Variants in LIMCH1 observed in about 807,000 individuals in gnomAD.
The protein encoded by LIMCH1 is LIM and calponin homology domains-containing protein 1.
LIMCH1 carries 113 observed loss-of-function variants against 176.5 expected under a neutral mutation model. The observed-to-expected ratio is 0.64, with a 90% confidence interval of 0.55 to 0.75. The LOEUF is 0.75. Ranked by LOEUF, LIMCH1 falls within the 30% of genes least tolerant of loss-of-function variation. LIMCH1 has a pLI of 0.00. For synonymous variants in LIMCH1, 619 were observed against 645.9 expected, an observed-to-expected ratio of 0.96 and a Z score of 0.63; for missense variants, 1,674 against 1,814.9, an observed-to-expected ratio of 0.92 and a Z score of 1.41.
chr4:41,666,332 A>C (rs777786267), intron 20 of LIMCH1, among the ~76,000 whole-genome samples: 2 of 152,220 alleles, frequency 1.3e-5, no homozygotes, highest in Non-Finnish European at 2.9e-5. Flanking sequence ...AGTGGTCATT[A>C]CGTTTTTACG....
At chr4:41,569,178 G>A (rs913681116) in intron 1 of LIMCH1, among the ~76,000 whole-genome samples, 2 of 152,180 alleles carry the variant, frequency 1.3e-5, no homozygotes, top group Non-Finnish European at 2.9e-5. Context: ...CCACTTGAGA[G>A]ATGCAGGAGT....
intron 6 of LIMCH1, 138 bp downstream of exon 6, chr4:41,619,578 A>G: frequency 8.9e-7 from 1 of 1,124,570 alleles, no homozygotes; most frequent in African/African-American, 1.6e-5. Flanking sequence ...GGTGGGACAG[A>G]TCTTTGGAGA....
At chr4:41,673,553 T>C (rs575290704) in intron 22 of LIMCH1, among the ~76,000 whole-genome samples, 15 of 152,172 alleles carry the variant, frequency 9.9e-5, no homozygotes, top group East Asian at 1.9e-4. Flanking sequence ...CAAGAGGAGA[T>C]AAGCATTAGA....
At chr4:41,677,656 C>T (rs1270683758) in intron 23 of LIMCH1, among the ~76,000 whole-genome samples, 2 of 152,108 alleles carry the variant, frequency 1.3e-5, no homozygotes, top group African/African-American at 4.8e-5. Flanking sequence ...CCTCAAACAG[C>T]ACTTCAGAGT....
intron 2 of LIMCH1, among the ~76,000 whole-genome samples, chr4:41,510,339 A>T (rs2074723686): frequency 6.6e-6 from 1 of 152,244 alleles, no homozygotes; most frequent in East Asian, 1.9e-4. Context: ...AAACTGGCCT[A>T]GCCCATTGCC....
In LIMCH1 at chr4:41,626,836, A is replaced by C. The variant is rs2092987254; in HGVS notation, c.854A>C (p.Asp285Ala). The C allele has an allele frequency of 6.5e-7, 1 of 1,536,208 alleles. No individual in the cohort carries two copies. The highest frequency in any genetic ancestry group is 2.4e-5 in the East Asian group (1 of 40,906). ...GGTGAAGTTGTGTGTCGACTGCCTG[A>C]TCTTGAGAAGGATGACTTTGCTGCA... ...AEGEVVCRLP[D>A]LEKDDFAARR... is the part of the protein sequence containing the mutation. The change falls in exon 8 of 32, where the codon GAT becomes GCT. Residue 285 changes from aspartate to alanine, a missense_variant. Physicochemically the swap from Asp to Ala is moderately radical, Grantham distance 126. This residue lies in a region of LIMCH1 where 655 missense variants were observed against 692.2 expected (regional missense o/e 0.95). Coordinates refer to ENST00000503057, the MANE Select transcript of LIMCH1 (RefSeq NM_001330672.2).
Position 41,620,634 on chromosome 4 carries a change from C to T in LIMCH1, c.669C>T (p.Arg223=). The T allele has an allele frequency of 6.5e-7, 1 of 1,536,156 alleles. No individual in the cohort carries two copies. Among genetic ancestry groups the T allele is most frequent in the East Asian group, 2.4e-5 (1 of 40,918 alleles). Residue 223 remains arginine (R), a synonymous_variant, in exon 7 of 32, where the codon CGC becomes CGT. Coordinates refer to ENST00000503057, the MANE Select transcript of LIMCH1 (RefSeq NM_001330672.2). ...AAGATGCTGCTGAGATCCAAAAGCG[C>T]AAAAGGCTAGAGCAAGCTGGAATCA... The part of the protein sequence containing the change: ...EEKDAAEIQK[R]KRLEQAGIKV...
chr4:41,450,790 C>A (rs2063783004), intron 1 of LIMCH1, among the ~76,000 whole-genome samples: 1 of 118,690 alleles, frequency 8.4e-6, no homozygotes, highest in Non-Finnish European at 1.6e-5. Flanking sequence ...GCAAGACTCT[C>A]TCTCTCTCAA....
At chr4:41,518,475 T>C (rs1432947503) in intron 2 of LIMCH1, among the ~76,000 whole-genome samples, 1 of 152,190 alleles carries the variant, frequency 6.6e-6, no homozygotes, top group Non-Finnish European at 1.5e-5. Context: ...GACTACCACA[T>C]GCTGGATATT....
intron 1 of LIMCH1, among the ~76,000 whole-genome samples, chr4:41,441,942 CTTT>C (rs2062744690): frequency 6.6e-6 from 1 of 152,008 alleles, no homozygotes; most frequent in African/African-American, 2.4e-5. Flanking sequence ...GATTTTGCTT[CTTT>C]GTCTCTCTCT....
At chr4:41,497,839 T>C (rs929299656) in intron 2 of LIMCH1, among the ~76,000 whole-genome samples, 12 of 151,734 alleles carry the variant, frequency 7.9e-5, no homozygotes, top group Non-Finnish European at 7.4e-5. Context: ...GGAGGTCTGA[T>C]CCCTTAGCTC....
At chr4:41,424,003 T>C (rs1413574076) in intron 1 of LIMCH1, among the ~76,000 whole-genome samples, 1 of 152,190 alleles carries the variant, frequency 6.6e-6, no homozygotes, top group Non-Finnish European at 1.5e-5. Flanking sequence ...GATAGGATAC[T>C]GGCATACCAT....
intron 28 of LIMCH1, among the ~76,000 whole-genome samples, chr4:41,687,113 C>G (rs1397247458): frequency 6.6e-6 from 1 of 152,148 alleles, no homozygotes; most frequent in Non-Finnish European, 1.5e-5. Flanking sequence ...CTGTTCGCTT[C>G]TGTGCTGGTA....
chr4:41,634,289 A>G (rs954143947), intron 13 of LIMCH1, among the ~76,000 whole-genome samples: 7 of 152,230 alleles, frequency 4.6e-5, no homozygotes, highest in African/African-American at 7.2e-5. Context: ...GACTAAGGAA[A>G]TAATTATCCT....
intron 1 of LIMCH1, among the ~76,000 whole-genome samples, chr4:41,404,633 G>A (rs954180647): frequency 6.6e-6 from 1 of 152,012 alleles, no homozygotes; most frequent in Non-Finnish European, 1.5e-5. Flanking sequence ...CAAAAAATTA[G>A]CTGGGCGTGG....
intron 5 of LIMCH1, among the ~76,000 whole-genome samples, chr4:41,614,826 T>A (rs1052457882): frequency 1.3e-5 from 2 of 152,202 alleles, no homozygotes; most frequent in African/African-American, 4.8e-5. Context: ...AAAATCACTG[T>A]CAGAAAGTAG....
chr4:41,449,576 A>G lies in LIMCH1; in HGVS notation c.97-44960A>G, dbSNP rs1490359971. On this transcript the variant is annotated intron_variant, in intron 1 of 26. Transcript: ENST00000313860. ...TTGATAAGTATATTCTCCCTTATAC[A>G]TGAATCTTTGCACTTTCCCGCATGT... is the stretch of plus-strand genomic sequence containing the variant. Among the ~76,000 whole-genome samples, 4 of 152,208 alleles carry G rather than the reference A, an allele frequency of 2.6e-5. No homozygotes were observed. The East Asian group carries it at 7.7e-4, about 29-fold the overall frequency.
chr4:41,401,731 T>C (rs2058462988), intron 1 of LIMCH1, among the ~76,000 whole-genome samples: 1 of 152,212 alleles, frequency 6.6e-6, no homozygotes, highest in Non-Finnish European at 1.5e-5. Flanking sequence ...GTAGTTCTCC[T>C]TGAAGAGGTC....
chr4:41,651,958 A>G (rs2094314888), intron 18 of LIMCH1, among the ~76,000 whole-genome samples: 1 of 152,238 alleles, frequency 6.6e-6, no homozygotes, highest in African/African-American at 2.4e-5. Context: ...ACACAGATGC[A>G]GCCCTGCTTT....
Sources: allele counts gnomAD v4.1 joint callset (sites outside exome capture counted in the v4.1 genomes callset), GRCh38; gene constraint gnomAD v4.1.1; regional missense constraint gnomAD v4.1.1; transcripts MANE v1.5; gene names NCBI Gene and HGNC (gene_info 2026-07-23, HGNC 2026-07-21).